The following PCNT variants were observed in gnomAD, a reference collection of about 807,000 sequenced individuals.
The protein encoded by PCNT is pericentrin.
Under a neutral mutation model 380.4 loss-of-function variants are expected in PCNT, and 319 were observed. That is an observed-to-expected ratio of 0.84 (90% CI 0.77 to 0.92). PCNT has a LOEUF of 0.92. PCNT is among the 40% of genes least tolerant of loss of function. The probability of loss-of-function intolerance (pLI) is 0.00; values close to 1 mark genes in which losing one functional copy is unlikely to be tolerated. For missense variants in PCNT, 4,400 were observed against 4,255.3 expected, an observed-to-expected ratio of 1.03 and a Z score of -0.95; for synonymous variants, 1,845 against 1,735.2, an observed-to-expected ratio of 1.06 and a Z score of -1.57.
intron 21 of PCNT, among the ~76,000 whole-genome samples, chr21:46,393,028 G>C (rs371948202): frequency 6.6e-6 from 1 of 152,198 alleles, no homozygotes; most frequent in African/African-American, 2.4e-5. Flanking sequence ...ACCTCCTGGC[G>C]TTGGGCCCTT....
chr21:46,335,883 C>G (rs923547086), intron 3 of PCNT, among the ~76,000 whole-genome samples: 3 of 150,662 alleles, frequency 2.0e-5, no homozygotes, highest in Non-Finnish European at 4.4e-5. Context: ...ACAGGGTTTC[C>G]TCATGTTGGT....
intron 2 of PCNT, 115 bp downstream of exon 2, chr21:46,326,704 G>T: frequency 8.7e-7 from 1 of 1,151,498 alleles, no homozygotes; most frequent in Non-Finnish European, 1.3e-6. Flanking sequence ...GAGGAAAGAG[G>T]GTGTTATTTT....
At chr21:46,361,602 C>T (rs184518692) in intron 13 of PCNT, among the ~76,000 whole-genome samples, 10 of 152,258 alleles carry the variant, frequency 6.6e-5, no homozygotes, top group African/African-American at 1.9e-4. Flanking sequence ...CTTTGGAAAA[C>T]ATGTGTTTGA....
At position 46,440,095 on chromosome 21, in the gene PCNT, T is replaced by C. The variant is rs776491460; in HGVS notation, c.9286T>C (p.Ser3096Pro). 6.2e-7 allele frequency: 1 copy of C among 1,613,920 alleles called. No homozygotes were observed. The highest frequency in any genetic ancestry group is 2.2e-5 in the East Asian group (1 of 44,886). ...KGCSPSRSER[S>P]AWKPDETAPQ... is the part of the protein sequence containing the mutation. The stretch of plus-strand genomic sequence containing the variant: ...TGCTTCCTTACAGAGGTCGGAAAGG[T>C]CTGCTTGGAAGCCAGACGAAACGGC... The change falls in exon 42 of 47, where the codon TCT (serine) becomes CCT (proline). Residue 3096 changes from serine (S) to proline (P), a missense_variant. Transcript: ENST00000359568.
Position 46,432,146 on chromosome 21 carries a change from C to T in PCNT, c.8682C>T (p.Ser2894=), listed in dbSNP as rs768208416. 8.7e-6 allele frequency: 14 copies of T among 1,613,746 alleles called. No individual in the cohort carries two copies. Among genetic ancestry groups the T allele is most frequent in the Middle Eastern group, 1.7e-4 (1 of 6,010 alleles). ...AAGGACGCAAGGCTGCGAGGAGGAG[C>T]GCGGAGGCCAGGCAGAGCCCAGCGG... is the stretch of plus-strand genomic sequence containing the variant. ...EQEGRKAARR[S]AEARQSPAAA... is the part of the protein sequence containing the mutation. Residue 2894 remains serine (S), a synonymous_variant, in exon 38 of 47, where the codon AGC becomes AGT. Coordinates refer to ENST00000359568, the MANE Select transcript of PCNT (RefSeq NM_006031.6).
intron 27 of PCNT, among the ~76,000 whole-genome samples, chr21:46,404,838 G>A (rs1189620950): frequency 6.6e-6 from 1 of 152,066 alleles, no homozygotes; most frequent in African/African-American, 2.4e-5. Context: ...CGGAGACTGA[G>A]GCAGGAGAAT....
Position 46,425,988 on chromosome 21 carries a change from A to G in PCNT, c.7320+17A>G. 1.9e-6 allele frequency: 3 copies of G among 1,613,232 alleles called. No individual in the cohort carries two copies. Among genetic ancestry groups the G allele is most frequent in the Non-Finnish European group, 2.5e-6 (3 of 1,179,694 alleles). On this transcript the variant is annotated intron_variant, in intron 33 of 46. Coordinates refer to ENST00000359568, the MANE Select transcript of PCNT (RefSeq NM_006031.6). This position sits in a 1 kb window ranked among gnomAD's most constrained non-coding sequence, Gnocchi z 4.2. ...AAGACGCAGGTTTATTTTGCCCTTC[A>G]CACACTTCTTTTCCAAAGGATTTAA...
At chr21:46,421,848 A>G (rs2087264465) in intron 31 of PCNT, 122 bp from the exon 32 acceptor site, 1 of 1,072,648 alleles carries the variant, frequency 9.3e-7, no homozygotes, top group Non-Finnish European at 1.4e-6. Flanking sequence ...CGTGAGCAGA[A>G]TCACGGTGTG....
chr21:46,332,582 C>T (rs2839213), intron 2 of PCNT, among the ~76,000 whole-genome samples: 18,739 of 152,128 alleles, frequency 0.12, 3,364 homozygotes, highest in African/African-American at 0.4. Flanking sequence ...CTACTGTGTC[C>T]CCTTTTCGTC....
chr21:46,444,644 ACT>A lies in PCNT; in HGVS notation c.9840-47_9840-46del, dbSNP rs1429851905. 28 of 1,458,920 alleles carry A rather than the reference ACT, an allele frequency of 1.9e-5. No homozygotes were observed. In the South Asian group the frequency reaches 2.8e-4, roughly 14 times the overall value. 90.4% of individuals were successfully genotyped at this position (1,458,920 alleles called of 1,614,324 possible). ...ACCATGGCTCCGTCTGTCAAACTCA[ACT>A]CTTTTTTTTTTTTTTTTTCTTCTCT... On this transcript the variant is annotated intron_variant, in intron 45 of 46. Transcript: ENST00000359568.
chr21:46,431,028 C>T, intron 37 of PCNT: 1 of 985,464 alleles, frequency 1.0e-6, no homozygotes, highest in Non-Finnish European at 1.2e-6. Flanking sequence ...GGCGGAGGCC[C>T]AGCAGGCCTG....
At chr21:46,435,265 C>T (rs1254374232) in intron 38 of PCNT, among the ~76,000 whole-genome samples, 5 of 151,582 alleles carry the variant, frequency 3.3e-5, no homozygotes, top group African/African-American at 7.3e-5. Flanking sequence ...CTCACTCTGT[C>T]GCCAGGCTGG....
rs113851050 is a variant in PCNT at position 46,365,387 on chromosome 21, G to C, written c.2610-1197G>C. 1.2e-4 allele frequency among the ~76,000 whole-genome samples: 11 copies of C among 92,466 alleles called. 1 individual carries two copies. The highest frequency in any genetic ancestry group is 3.7e-4 in the East Asian group (1 of 2,736). 60.7% of individuals were successfully genotyped at this position (92,466 alleles called of 152,430 possible). On this transcript the variant is annotated intron_variant, in intron 14 of 46. Coordinates refer to ENST00000359568, the MANE Select transcript of PCNT (RefSeq NM_006031.6). The stretch of plus-strand genomic sequence containing the variant: ...GTTCTGATCACTGCCGTGGGGTTCT[G>C]TTCACTGCCGTGGGGTTCTGATCAC...
intron 21 of PCNT, among the ~76,000 whole-genome samples, chr21:46,396,984 C>T (rs1165101106): frequency 2.0e-5 from 3 of 152,276 alleles, no homozygotes; most frequent in South Asian, 2.1e-4. Context: ...CACCGTCCGT[C>T]GTCTGCTGGG....
rs1051623547 is a variant in PCNT at position 46,351,329 on chromosome 21, C to T, written c.1345-100C>T. Reference sequence around the variant, plus strand: ...GCAGGTTTGGGATGTGAGCTTTTACCCTTAGGATCGCAGTGGCAGGGATAA... The same window carrying T: ...GCAGGTTTGGGATGTGAGCTTTTACTCTTAGGATCGCAGTGGCAGGGATAA... On this transcript the variant is annotated intron_variant, in intron 8 of 46. Coordinates refer to ENST00000359568, the MANE Select transcript of PCNT (RefSeq NM_006031.6). 6.4e-6 allele frequency: 5 copies of T among 778,446 alleles called. No individual in the cohort carries two copies. In the African/African-American group the frequency reaches 6.8e-5, roughly 11 times the overall value. 48.2% of individuals were successfully genotyped at this position (778,446 alleles called of 1,614,324 possible).
At chr21:46,376,958 C>T (rs757595300) in intron 15 of PCNT, among the ~76,000 whole-genome samples, 3 of 152,180 alleles carry the variant, frequency 2.0e-5, no homozygotes, top group Non-Finnish European at 2.9e-5. Flanking sequence ...AGTGTTGTGC[C>T]GTGCGAACCC....
chr21:46,380,938 G>A (rs926664662), intron 15 of PCNT, among the ~76,000 whole-genome samples: 1 of 152,156 alleles, frequency 6.6e-6, no homozygotes, highest in African/African-American at 2.4e-5. Context: ...GCCAGTGTGG[G>A]TGGATCACTT....
chr21:46,340,154 G>A (rs2083872058), intron 3 of PCNT, among the ~76,000 whole-genome samples: 1 of 152,164 alleles, frequency 6.6e-6, no homozygotes. Flanking sequence ...AAGGCAAAGA[G>A]AGAGAACTTG....
intron 1 of PCNT, chr21:46,325,189 G>A: frequency 1.0e-6 from 1 of 985,764 alleles, no homozygotes; most frequent in South Asian, 4.7e-5. Context: ...CGGAACCGCG[G>A]GAGCAGGCCG....
Sources: gnomAD v4.1 joint callset for allele counts (sites outside exome capture counted in the v4.1 genomes callset) on GRCh38, gnomAD v4.1.1 for gene constraint, Gnocchi (gnomAD v3.1) non-coding constraint, MANE v1.5 for transcripts, NCBI Gene and HGNC (gene_info 2026-07-23, HGNC 2026-07-21) for gene names.